PAK6: variants seen among roughly 807,000 people sequenced by gnomAD.
The protein encoded by PAK6 is serine/threonine-protein kinase PAK 6.
In PAK6, 33 loss-of-function variants were observed where a neutral mutation model predicts 60.8. The observed-to-expected ratio is 0.54, with a 90% CI of 0.41 to 0.73. The LOEUF (loss-of-function observed/expected upper bound fraction) is 0.73, where lower values mean the gene tolerates loss of function less well. PAK6 is among the 30% of genes least tolerant of loss of function. The probability of loss-of-function intolerance (pLI) is 0.00; values close to 1 mark genes in which losing one functional copy is unlikely to be tolerated. For missense variants in PAK6, 845 were observed against 904.1 expected, an observed-to-expected ratio of 0.93 and a Z score of 0.84; for synonymous variants, 404 against 378.5, an observed-to-expected ratio of 1.07 and a Z score of -0.78.
In PAK6 at chr15:40,272,863, C is replaced by T. The variant is rs370254859; in HGVS notation, c.1357-3C>T. Reference sequence around the variant, plus strand: ...TGGCACTCAGGCCCCCGCCTGCCCCCAGGTGGTGATCATGCGGGACTACCA... The same window carrying T: ...TGGCACTCAGGCCCCCGCCTGCCCCTAGGTGGTGATCATGCGGGACTACCA... On this transcript the variant is annotated splice_polypyrimidine_tract_variant and splice_region_variant and intron_variant, in intron 6 of 10. Transcript: ENST00000560346. The T allele has an allele frequency of 3.1e-6, 5 of 1,613,344 alleles. No homozygotes were observed. The highest frequency in any genetic ancestry group is 2.7e-5 in the African/African-American group (2 of 74,928).
Position 40,266,322 on chromosome 15 carries a change from CCA to C in PAK6, c.688_689del (p.Gln230ValfsTer18), listed in dbSNP as rs1451142979. 7 of 1,611,990 alleles carry C rather than the reference CCA, an allele frequency of 4.3e-6. No homozygotes were observed. Among genetic ancestry groups the C allele is most frequent in the Non-Finnish European group, 5.9e-6 (7 of 1,179,704 alleles). ...CAAGCATGGCTCTGAGGAGGCCCGG[CCA>C]CAGTCCTGCCTGGTGGGCTCAGCCA... On this transcript the variant is annotated frameshift_variant, in exon 5 of 11. Coordinates refer to ENST00000560346, the Ensembl canonical transcript of PAK6. LOFTEE classifies it high-confidence loss of function.
intron 1 of PAK6, 171 bp from the exon 2 acceptor site, chr15:40,240,427 GC>G (rs2038291167): frequency 1.2e-5 from 4 of 346,720 alleles, no homozygotes; most frequent in Non-Finnish European, 1.1e-5. Context: ...CCCCCACACA[GC>G]TGGCAGCTTT....
chr15:40,253,173 C>T lies in PAK6; in HGVS notation c.-117-5C>T, dbSNP rs1476400386. 1 of 455,672 alleles carries T rather than the reference C, an allele frequency of 2.2e-6. No individual in the cohort carries two copies. Among genetic ancestry groups the T allele is most frequent in the South Asian group, 1.6e-5 (1 of 64,510 alleles). The allele number at this position is 455,672 out of a possible 1,614,324, so 28.2% of individuals were successfully genotyped here. ...ATAATGCATTTCTGATCTGTTTCCG[C>T]GCAGGCCTGCGGAGGACTGGCCCAG... is the stretch of plus-strand genomic sequence containing the variant. On this transcript the variant is annotated splice_polypyrimidine_tract_variant and splice_region_variant and intron_variant, in intron 2 of 10. Transcript: ENST00000560346.
At position 40,255,171 on chromosome 15, in the gene PAK6, C is replaced by A. The variant is rs537366360; in HGVS notation, c.-6+1882C>A. Among the ~76,000 whole-genome samples the A allele has an allele frequency of 6.9e-4, 105 of 152,304 alleles. 1 individual carries two copies. The highest frequency in any genetic ancestry group is 5.0e-3 in the South Asian group (24 of 4,826). On this transcript the variant is annotated intron_variant, in intron 3 of 10. Coordinates refer to ENST00000560346, the Ensembl canonical transcript of PAK6. ...GAGGACCCTATGCTAAGGACTCAGA[C>A]CTCTGTGTGCAGAGGCTGTTGAGAA...
intron 3 of PAK6, among the ~76,000 whole-genome samples, chr15:40,256,264 A>G (rs925202981): frequency 6.6e-6 from 1 of 152,210 alleles, no homozygotes; most frequent in South Asian, 2.1e-4. Flanking sequence ...TTCTGAAAGT[A>G]AAGTTTGAGA....
intron 2 of PAK6, chr15:40,252,822 G>A: frequency 7.7e-7 from 1 of 1,291,456 alleles, no homozygotes; most frequent in South Asian, 1.2e-5. Flanking sequence ...CTTGGGCGCA[G>A]GCATCTGGAG....
intron 10 of PAK6, 127 bp from the exon 11 acceptor site, chr15:40,275,800 G>A (rs2039439660): frequency 2.4e-6 from 2 of 845,994 alleles, no homozygotes; most frequent in South Asian, 3.2e-5. Context: ...GGGTGGGGAG[G>A]GACAAGGGAA....
At chr15:40,244,524 A>G (rs1051740454) in intron 2 of PAK6, among the ~76,000 whole-genome samples, 2 of 151,712 alleles carry the variant, frequency 1.3e-5, no homozygotes, top group South Asian at 2.1e-4. Flanking sequence ...CAGCCTCCCA[A>G]GTAGGTGGGA....
At chr15:40,257,201 CCCAGTCG>C (rs1301202669) in intron 3 of PAK6, 1 of 152,508 alleles carries the variant, frequency 6.6e-6, no homozygotes, top group African/African-American at 2.4e-5. Context: ...CTCCTCTCTT[CCCAGTCG>C]CCCGCAAATG....
intron 2 of PAK6, chr15:40,252,644 C>G: frequency 7.5e-7 from 1 of 1,328,878 alleles, no homozygotes; most frequent in South Asian, 1.2e-5. Flanking sequence ...GAGGGCGGGC[C>G]CGGCTCCCAC....
chr15:40,249,028 T>A (rs2140949213), intron 2 of PAK6, among the ~76,000 whole-genome samples: 1 of 152,312 alleles, frequency 6.6e-6, no homozygotes, highest in Non-Finnish European at 1.5e-5. Flanking sequence ...TTTCTCACAG[T>A]TCTGGAAGCT....
At chr15:40,267,517 G>A (rs2039176743) in intron 5 of PAK6, among the ~76,000 whole-genome samples, 1 of 152,202 alleles carries the variant, frequency 6.6e-6, no homozygotes, top group South Asian at 2.1e-4. Flanking sequence ...AAATTAGCCG[G>A]GCGCGGTGGC....
exon 11 of PAK6, chr15:40,276,429 T>G: frequency 3.8e-6 from 1 of 266,056 alleles, no homozygotes; most frequent in East Asian, 8.4e-5. Context: ...TTAAAGGCAG[T>G]TGTCCACTAG....
chr15:40,254,473 C>T (rs11638662), intron 3 of PAK6, among the ~76,000 whole-genome samples: 35,344 of 152,162 alleles, frequency 0.23, 5,080 homozygotes, highest in Non-Finnish European at 0.34. Context: ...AGGGGCCATT[C>T]CTGGAAGAGG....
In PAK6 at chr15:40,265,835, C is replaced by A; in HGVS notation, c.205-7C>A. On this transcript the variant is annotated splice_polypyrimidine_tract_variant and splice_region_variant and intron_variant, in intron 4 of 10. Coordinates refer to ENST00000560346, the Ensembl canonical transcript of PAK6. ...CTCCCACACACTCTTTTCTCTTCCCCCTACAGACAGTGGTGCGGGGCAGCG... is the reference window on the plus strand; with the variant it reads ...CTCCCACACACTCTTTTCTCTTCCCACTACAGACAGTGGTGCGGGGCAGCG... 1 of 1,515,954 alleles carries A rather than the reference C, an allele frequency of 6.6e-7. No individual in the cohort carries two copies. The highest frequency in any genetic ancestry group is 8.8e-7 in the Non-Finnish European group (1 of 1,130,478). The allele number at this position is 1,515,954 out of a possible 1,614,324, so 93.9% of individuals were successfully genotyped here. A position where few individuals can be genotyped will look rare whatever the true frequency, so the allele number is the denominator to read the frequency against.
At chr15:40,243,526 G>T (rs906475461) in intron 2 of PAK6, among the ~76,000 whole-genome samples, 2 of 152,180 alleles carry the variant, frequency 1.3e-5, no homozygotes, top group African/African-American at 4.8e-5. Flanking sequence ...TTCAGCAAGA[G>T]ATAACTATTA....
intron 3 of PAK6, among the ~76,000 whole-genome samples, chr15:40,262,390 G>C (rs2039006054): frequency 6.6e-6 from 1 of 152,166 alleles, no homozygotes; most frequent in African/African-American, 2.4e-5. Context: ...TGTAATCTCA[G>C]CTATTCAGGA....
At chr15:40,249,862 A>C (rs1008095759) in intron 2 of PAK6, among the ~76,000 whole-genome samples, 1 of 152,208 alleles carries the variant, frequency 6.6e-6, no homozygotes, top group Non-Finnish European at 1.5e-5. Flanking sequence ...CTGGCCTGCC[A>C]ATGCCTCTGA....
At chr15:40,252,515 G>C in intron 2 of PAK6, 1 of 1,363,194 alleles carries the variant, frequency 7.3e-7, no homozygotes, top group Non-Finnish European at 9.8e-7. Context: ...TGGGTTCGCC[G>C]CCGCGTCCTA....
Sources: gnomAD v4.1 joint callset for allele counts (sites outside exome capture counted in the v4.1 genomes callset) on GRCh38, gnomAD v4.1.1 for gene constraint, MANE v1.5 for transcripts, NCBI Gene and HGNC (gene_info 2026-07-23, HGNC 2026-07-21) for gene names.